ACO2: variants seen among roughly 807,000 people sequenced by gnomAD.
The protein encoded by ACO2 is aconitate hydratase, mitochondrial.
In ACO2, 31 loss-of-function variants were observed where a neutral mutation model predicts 84.5. The observed-to-expected ratio is 0.37, with a 90% CI of 0.28 to 0.50. The LOEUF (loss-of-function observed/expected upper bound fraction) is 0.50. Ranked by LOEUF, ACO2 falls within the 20% of genes least tolerant of loss-of-function variation. The pLI, the probability that ACO2 is intolerant of heterozygous loss-of-function variation, is 0.97. For synonymous variants in ACO2, 414 were observed against 412.7 expected (o/e 1.00, Z -0.04); for missense variants, 685 against 1,029.3 (o/e 0.67, Z 4.58).
Position 41,493,640 on chromosome 22 carries a change from C to T in ACO2, c.37-6086C>T, listed in dbSNP as rs1353909592. Among the ~76,000 whole-genome samples the T allele has an allele frequency of 3.3e-5, 5 of 152,190 alleles. No homozygotes were observed. In the South Asian group the frequency reaches 1.0e-3, roughly 32 times the overall value. On this transcript the variant is annotated intron_variant, in intron 1 of 17. Coordinates refer to ENST00000216254, the MANE Select transcript of ACO2 (RefSeq NM_001098.3). ...AATCTGGCAATTTAAAATTCAGTGA[C>T]ATAAGAAATTCCATTCCTTGGCTGG...
intron 1 of ACO2, among the ~76,000 whole-genome samples, chr22:41,472,312 C>T (rs2037955242): frequency 6.6e-6 from 1 of 150,884 alleles, no homozygotes; most frequent in Admixed American, 6.6e-5. Flanking sequence ...GAGATCGCGC[C>T]ACTGCACTAC....
chr22:41,469,243 G>T, intron 1 of ACO2, 61 bp downstream of exon 1: 1 of 1,572,140 alleles, frequency 6.4e-7, no homozygotes, highest in South Asian at 1.2e-5. Flanking sequence ...TGTGCCGGCG[G>T]CTGTGGGCGA....
In ACO2 at chr22:41,515,737, C is replaced by T. The variant is rs2066471041; in HGVS notation, c.685-30C>T. 6.8e-6 allele frequency: 11 copies of T among 1,612,262 alleles called. No homozygotes were observed. Among genetic ancestry groups the T allele is most frequent in the Non-Finnish European group, 7.6e-6 (9 of 1,179,780 alleles). On this transcript the variant is annotated intron_variant, in intron 5 of 17. Transcript: ENST00000216254. The surrounding 1 kb of genome is among the most constrained non-coding windows in gnomAD (Gnocchi z 5.8). ...TGGCTGGCACAGGCACACACGGCCT[C>T]TCACAGCCGCCTCGCCCCCTCCTGT... is the stretch of plus-strand genomic sequence containing the variant.
intron 1 of ACO2, among the ~76,000 whole-genome samples, chr22:41,470,232 G>C (rs889308115): frequency 2.0e-5 from 3 of 152,220 alleles, no homozygotes; most frequent in Admixed American, 1.3e-4. Flanking sequence ...AGCATCTGTA[G>C]ACATTCTCTG....
intron 6 of ACO2, 144 bp downstream of exon 6, chr22:41,516,061 A>T: frequency 9.7e-7 from 1 of 1,033,736 alleles, no homozygotes; most frequent in Non-Finnish European, 1.5e-6. Flanking sequence ...GGTAGAAGGA[A>T]AATTGGAGAC....
chr22:41,527,017 C>A (rs1260635179), intron 15 of ACO2: 1 of 544,650 alleles, frequency 1.8e-6, no homozygotes, highest in Non-Finnish European at 3.3e-6. Context: ...TCCACACACA[C>A]CTGCCTCTGC....
chr22:41,474,507 A>T (rs2037985334), intron 1 of ACO2, among the ~76,000 whole-genome samples: 1 of 144,260 alleles, frequency 6.9e-6, no homozygotes, highest in Non-Finnish European at 1.5e-5. Context: ...GTTAGCCAGG[A>T]TGGTCTCAAT....
At chr22:41,525,068 G>A (rs2066568558) in intron 13 of ACO2, 100 bp downstream of exon 13, 4 of 1,604,122 alleles carry the variant, frequency 2.5e-6, no homozygotes, top group Admixed American at 1.7e-5. Context: ...GGCGCTGCTA[G>A]TGAGAAGGAA....
chr22:41,494,967 C>T (rs975519266), intron 1 of ACO2, among the ~76,000 whole-genome samples: 4 of 152,082 alleles, frequency 2.6e-5, no homozygotes, highest in Admixed American at 6.5e-5. Flanking sequence ...CTCCTGACCT[C>T]AGGTGATCCA....
intron 8 of ACO2, 113 bp from the exon 9 acceptor site, chr22:41,520,058 G>A: frequency 1.1e-6 from 1 of 871,914 alleles, no homozygotes; most frequent in East Asian, 2.8e-5. Flanking sequence ...TTTCAGTCAA[G>A]AGAAAGTCGT....
At position 41,523,222 on chromosome 22, in the gene ACO2, T is replaced by A; in HGVS notation, c.1314T>A (p.Asp438Glu). Residue 438 changes from aspartate to glutamate, a missense_variant, in exon 11 of 18, where the codon GAT (aspartate) becomes GAA (glutamate). Around this residue, in one of 5 missense-constraint regions of ACO2, gnomAD observed 311 missense variants for 441.6 expected, o/e 0.70. Coordinates refer to ENST00000216254, the MANE Select transcript of ACO2 (RefSeq NM_001098.3). ...CCTGGCAGGCACAGATCTTGAGGGA[T>A]CTGGGTGGCATTGTCCTGGCCAATG... ...ERDGYAQILR[D>E]LGGIVLANAC... 6.2e-7 allele frequency: 1 copy of A among 1,613,084 alleles called. No individual in the cohort carries two copies. The highest frequency in any genetic ancestry group is 8.5e-7 in the Non-Finnish European group (1 of 1,179,402).
chr22:41,518,626 G>GACCC, intron 8 of ACO2, 54 bp downstream of exon 8: 5 of 1,395,212 alleles, frequency 3.6e-6, no homozygotes, highest in Non-Finnish European at 5.1e-6. Context: ...TGGGGAGCAG[G>GACCC]GCGGGTCCTG....
intron 1 of ACO2, among the ~76,000 whole-genome samples, chr22:41,495,441 C>T (rs1427869230): frequency 6.6e-6 from 1 of 152,060 alleles, no homozygotes; most frequent in Non-Finnish European, 1.5e-5. Context: ...CATGAGCCAC[C>T]GCTCCTGGCC....
chr22:41,509,707 C>T (rs920333506), intron 3 of ACO2, among the ~76,000 whole-genome samples: 20 of 150,958 alleles, frequency 1.3e-4, no homozygotes, highest in African/African-American at 2.9e-4. Context: ...TTTGGAAGAG[C>T]GGGTGGTATG....
intron 9 of ACO2, among the ~76,000 whole-genome samples, chr22:41,522,437 A>G (rs2066534371): frequency 6.6e-6 from 1 of 152,258 alleles, no homozygotes; most frequent in African/African-American, 2.4e-5. Flanking sequence ...TTATAAAACA[A>G]TCTTTAAAAC....
intron 2 of ACO2, among the ~76,000 whole-genome samples, chr22:41,503,456 GAGT>G (rs1220840432): frequency 6.6e-6 from 1 of 151,856 alleles, no homozygotes; most frequent in Non-Finnish European, 1.5e-5. Context: ...TCAGCCTCCC[GAGT>G]AGCTGGGATT....
At chr22:41,522,270 G>A (rs1470443324) in intron 9 of ACO2, among the ~76,000 whole-genome samples, 1 of 152,208 alleles carries the variant, frequency 6.6e-6, no homozygotes, top group Non-Finnish European at 1.5e-5. Context: ...AGGAGTTAGA[G>A]ACTGCAGTGA....
At chr22:41,512,335 G>GACT (rs2066439699) in intron 4 of ACO2, 1 of 199,404 alleles carries the variant, frequency 5.0e-6, no homozygotes, top group African/African-American at 2.4e-5. Context: ...CTTGTGGCAT[G>GACT]CATCACTGAC....
At chr22:41,476,113 A>G (rs1373301290) in intron 1 of ACO2, among the ~76,000 whole-genome samples, 1 of 152,104 alleles carries the variant, frequency 6.6e-6, no homozygotes, top group Non-Finnish European at 1.5e-5. Flanking sequence ...TTGATGTGTT[A>G]TAAAGCATTG....
Sources: gnomAD v4.1 joint callset for allele counts (sites outside exome capture counted in the v4.1 genomes callset) on GRCh38, gnomAD v4.1.1 for gene constraint, gnomAD v4.1.1 regional missense constraint, Gnocchi (gnomAD v3.1) non-coding constraint, MANE v1.5 for transcripts, NCBI Gene and HGNC (gene_info 2026-07-23, HGNC 2026-07-21) for gene names.